The following STAG1 variants were observed in gnomAD, a reference collection of about 807,000 sequenced individuals.
STAG1 encodes the protein STAG1 cohesin complex component.
STAG1 carries 26 observed loss-of-function variants against 170.9 expected under a neutral mutation model. The ratio of observed to expected loss-of-function variants is 0.15; its 90% CI spans 0.11 to 0.21. The LOEUF (loss-of-function observed/expected upper bound fraction) is 0.21, where lower values mean the gene tolerates loss of function less well. STAG1 is among the 10% of genes least tolerant of loss of function. The pLI, the probability that STAG1 is intolerant of heterozygous loss-of-function variation, is 1.00. For synonymous variants in STAG1, 514 were observed against 497.7 expected (o/e 1.03, Z -0.44); for missense variants, 964 against 1,509.5 (o/e 0.64, Z 5.99).
chr3:136,545,968 T>C (rs1030637009), intron 5 of STAG1, among the ~76,000 whole-genome samples: 4 of 152,116 alleles, frequency 2.6e-5, no homozygotes, highest in African/African-American at 9.7e-5. Flanking sequence ...GCACATAACA[T>C]GTGAGTACCG....
chr3:136,496,720 T>C (rs765137400), intron 9 of STAG1, among the ~76,000 whole-genome samples: 1 of 152,088 alleles, frequency 6.6e-6, no homozygotes, highest in Non-Finnish European at 1.5e-5. Flanking sequence ...CCTCAAATTC[T>C]ACCTTGAGAA....
chr3:136,630,599 T>C (rs1940295473), intron 2 of STAG1, among the ~76,000 whole-genome samples: 1 of 152,232 alleles, frequency 6.6e-6, no homozygotes, highest in Admixed American at 6.5e-5. Context: ...CATGCCATAT[T>C]TGGCCCATGG....
In STAG1 at chr3:136,678,381, A is replaced by C. The variant is rs943835423; in HGVS notation, c.-83-47400T>G. 3.9e-5 allele frequency among the ~76,000 whole-genome samples: 6 copies of C among 151,954 alleles called. No individual in the cohort carries two copies. The South Asian group carries it at 1.2e-3, about 31-fold the overall frequency. ...ATGATGAAAAAATCCATAAATATAA[A>C]GATTTTAAATGAAATAGGGCAATCA... On this transcript the variant is annotated intron_variant, in intron 1 of 33. Coordinates refer to ENST00000383202, the MANE Select transcript of STAG1 (RefSeq NM_005862.3).
At chr3:136,416,047 G>A (rs113202314) in intron 21 of STAG1, among the ~76,000 whole-genome samples, 29 of 150,494 alleles carry the variant, frequency 1.9e-4, no homozygotes, top group Admixed American at 4.6e-4. Context: ...CTTGCTCATC[G>A]CCCAGGCTGG....
intron 9 of STAG1, among the ~76,000 whole-genome samples, chr3:136,478,712 C>A (rs1277162450): frequency 6.6e-6 from 1 of 152,122 alleles, no homozygotes; most frequent in Non-Finnish European, 1.5e-5. Context: ...AGGATAAAAA[C>A]AGGGAAAACA....
chr3:136,683,952 T>C (rs1198762952), intron 1 of STAG1, among the ~76,000 whole-genome samples: 2 of 152,180 alleles, frequency 1.3e-5, no homozygotes, highest in Non-Finnish European at 2.9e-5. Flanking sequence ...AAACATAAAA[T>C]GCTAAGGTAT....
chr3:136,672,629 T>C (rs1384163499), intron 1 of STAG1, among the ~76,000 whole-genome samples: 2 of 152,088 alleles, frequency 1.3e-5, no homozygotes, highest in Non-Finnish European at 2.9e-5. Flanking sequence ...CATCACAGTG[T>C]AAAAGTCAAC....
intron 13 of STAG1, among the ~76,000 whole-genome samples, chr3:136,462,161 T>C (rs1468717316): frequency 6.6e-6 from 1 of 151,954 alleles, no homozygotes; most frequent in African/African-American, 2.4e-5. Context: ...ACTAAAAATA[T>C]CTACCATATG....
At chr3:136,494,009 A>G (rs558952213) in intron 9 of STAG1, among the ~76,000 whole-genome samples, 16 of 152,332 alleles carry the variant, frequency 1.1e-4, no homozygotes, top group African/African-American at 3.4e-4. Context: ...AGTGGCTCAC[A>G]CCTATAATCC....
At chr3:136,587,296 T>C (rs1937877604) in intron 4 of STAG1, among the ~76,000 whole-genome samples, 1 of 152,148 alleles carries the variant, frequency 6.6e-6, no homozygotes, top group Non-Finnish European at 1.5e-5. Flanking sequence ...TTCCAACACT[T>C]CGGCAGGCCG....
At chr3:136,713,440 G>A (rs761141168) in intron 1 of STAG1, among the ~76,000 whole-genome samples, 2 of 151,866 alleles carry the variant, frequency 1.3e-5, no homozygotes, top group African/African-American at 4.8e-5. Context: ...ACAATTAGCC[G>A]GGCGTGGTGG....
chr3:136,689,229 T>C (rs1169563981), intron 1 of STAG1, among the ~76,000 whole-genome samples: 1 of 152,192 alleles, frequency 6.6e-6, no homozygotes, highest in African/African-American at 2.4e-5. Context: ...CAATACATAT[T>C]GCATACCCAT....
rs1935730673 is a variant in STAG1 at position 136,337,452 on chromosome 3, A to G, written c.*802T>C. The G allele has an allele frequency of 6.5e-6, 1 of 152,694 alleles. No individual in the cohort carries two copies. Among genetic ancestry groups the G allele is most frequent in the Non-Finnish European group, 1.5e-5 (1 of 68,048 alleles). The allele number at this position is 152,694 out of a possible 1,614,324, so 9.5% of individuals were successfully genotyped here. On this transcript the variant is annotated 3_prime_UTR_variant, in exon 34 of 34. Coordinates refer to ENST00000383202, the MANE Select transcript of STAG1 (RefSeq NM_005862.3). ...CTGGTAGAAGTTGCTAAAAATGCAC[A>G]GAACAAATACCAATAGAAAATGCAC... is the stretch of plus-strand genomic sequence containing the variant.
chr3:136,523,797 T>C (rs1235381489), intron 6 of STAG1, among the ~76,000 whole-genome samples: 1 of 152,232 alleles, frequency 6.6e-6, no homozygotes, highest in Non-Finnish European at 1.5e-5. Context: ...GGATCCAATT[T>C]CAGCTTTCTA....
intron 3 of STAG1, among the ~76,000 whole-genome samples, chr3:136,615,785 AAAAG>A (rs1365367519): frequency 6.6e-6 from 1 of 151,856 alleles, no homozygotes; most frequent in African/African-American, 2.4e-5. Context: ...ATCAAAAAAA[AAAAG>A]AAAATGAAAA....
At chr3:136,537,971 A>T (rs570784417) in intron 6 of STAG1, among the ~76,000 whole-genome samples, 1 of 152,260 alleles carries the variant, frequency 6.6e-6, no homozygotes, top group East Asian at 1.9e-4. Flanking sequence ...AGCCATGAAA[A>T]TCTAATGATA....
intron 15 of STAG1, among the ~76,000 whole-genome samples, chr3:136,442,207 C>A (rs1226734191): frequency 1.3e-5 from 2 of 152,172 alleles, no homozygotes; most frequent in East Asian, 1.9e-4. Context: ...CACACACACA[C>A]AAAAATTTTC....
intron 1 of STAG1, among the ~76,000 whole-genome samples, chr3:136,652,024 A>G (rs1175974017): frequency 6.6e-6 from 1 of 152,262 alleles, no homozygotes; most frequent in Non-Finnish European, 1.5e-5. Context: ...AGCAGAAAGT[A>G]GAAAGATCAC....
intron 28 of STAG1, among the ~76,000 whole-genome samples, chr3:136,355,848 A>T (rs778028528): frequency 5.3e-5 from 8 of 152,252 alleles, no homozygotes; most frequent in Non-Finnish European, 1.0e-4. Context: ...AGAAGAAATA[A>T]GTGAAATGAG....
Sources: gnomAD v4.1 joint callset for allele counts (sites outside exome capture counted in the v4.1 genomes callset) on GRCh38, gnomAD v4.1.1 for gene constraint, MANE v1.5 for transcripts, NCBI Gene and HGNC (gene_info 2026-07-23, HGNC 2026-07-21) for gene names.